The following TRPC5 variants were observed in gnomAD, a reference collection of about 807,000 sequenced individuals.
TRPC5 encodes transient receptor potential cation channel subfamily C member 5.
A neutral mutation model predicts 56.5 loss-of-function variants in TRPC5; 9 were observed. The observed-to-expected ratio is 0.16, with a 90% CI of 0.10 to 0.28. The LOEUF is 0.28. TRPC5 is among the 10% of genes least tolerant of loss of function. The pLI, the probability that TRPC5 is intolerant of heterozygous loss-of-function variation, is 1.00. For missense variants in TRPC5, 469 were observed against 748.9 expected (o/e 0.63, Z 4.36); for synonymous variants, 282 against 278.5 (o/e 1.01, Z -0.13).
chrX:111,799,702 G>A (rs979523890), intron 7 of TRPC5, among the ~76,000 whole-genome samples: 5 of 111,355 alleles, frequency 4.5e-5, no homozygotes, highest in African/African-American at 1.6e-4. Context: ...TAGATATTGT[G>A]CATGAATTCA....
intron 1 of TRPC5, among the ~76,000 whole-genome samples, chrX:112,051,204 A>T (rs1930203671): frequency 8.9e-6 from 1 of 112,221 alleles, no homozygotes; most frequent in Admixed American, 9.4e-5. Context: ...TGCTTCTGCC[A>T]GGTAACTCCT....
Position 111,781,326 on chromosome X carries a change from C to T in TRPC5, c.2101-120G>A, listed in dbSNP as rs781249627. ...CTAGAGAATGCTACAGGAGCTCCTG[C>T]CTGACAAATCCCCAAAGCAAATGTA... is the stretch of plus-strand genomic sequence containing the variant. On this transcript the variant is annotated intron_variant, in intron 8 of 10. Transcript: ENST00000262839. The T allele has an allele frequency of 3.1e-5, 18 of 579,523 alleles. No homozygotes were observed. In the South Asian group the frequency reaches 5.4e-4, roughly 17 times the overall value. 47.8% of individuals were successfully genotyped at this position (579,523 alleles called of 1,213,427 possible).
intron 7 of TRPC5, among the ~76,000 whole-genome samples, chrX:111,815,850 C>T (rs2148567723): frequency 9.0e-6 from 1 of 111,371 alleles, no homozygotes; most frequent in African/African-American, 3.3e-5. Context: ...TGACAAGACA[C>T]AGGACGGTGG....
At chrX:111,788,543 A>C (rs1405167359) in intron 7 of TRPC5, among the ~76,000 whole-genome samples, 1 of 112,009 alleles carries the variant, frequency 8.9e-6, no homozygotes, top group Non-Finnish European at 1.9e-5. Context: ...TATTCAACAT[A>C]GTGTTGGAAG....
intron 1 of TRPC5, among the ~76,000 whole-genome samples, chrX:111,981,043 A>G (rs112495961): frequency 0.12 from 12,675 of 108,506 alleles, 629 homozygotes; most frequent in African/African-American, 0.16. Context: ...CCGTATATGT[A>G]TATATGAGAG....
At position 111,810,389 on chromosome X, in the gene TRPC5, G is replaced by T. The variant is rs996656240; in HGVS notation, c.1896+24532C>A. Among the ~76,000 whole-genome samples the T allele has an allele frequency of 4.5e-5, 5 of 110,983 alleles. No homozygotes were observed. In the Admixed American group the frequency reaches 4.8e-4, roughly 11 times the overall value. The stretch of plus-strand genomic sequence containing the variant: ...GAGAAACTGAATGACTCTAATCTTA[G>T]GTAACAAATTGTCTTCTGTCTCAGG... On this transcript the variant is annotated intron_variant, in intron 7 of 10. Transcript: ENST00000262839.
At chrX:112,081,688 A>T (rs1421268166) in intron 1 of TRPC5, among the ~76,000 whole-genome samples, 191 bp downstream of exon 1, 1 of 111,287 alleles carries the variant, frequency 9.0e-6, no homozygotes, top group Non-Finnish European at 1.9e-5. Context: ...TCCCCATTGC[A>T]TTTCCTCTTC....
At chrX:112,024,587 G>A (rs1229355795) in intron 1 of TRPC5, among the ~76,000 whole-genome samples, 1 of 111,193 alleles carries the variant, frequency 9.0e-6, no homozygotes, top group Non-Finnish European at 1.9e-5. Context: ...CAGCTTGCAG[G>A]TCTTGGGACT....
chrX:111,816,475 A>G (rs1056543468), intron 7 of TRPC5, among the ~76,000 whole-genome samples: 4 of 112,136 alleles, frequency 3.6e-5, no homozygotes, highest in African/African-American at 1.3e-4. Flanking sequence ...GGGTTCCTTC[A>G]TCTGTGATCT....
At position 111,776,080 on chromosome X, in the gene TRPC5, G is replaced by T; in HGVS notation, c.*233C>A. 1 of 301,558 alleles carries T rather than the reference G, an allele frequency of 3.3e-6. No individual in the cohort carries two copies. Among genetic ancestry groups the T allele is most frequent in the Non-Finnish European group, 5.8e-6 (1 of 173,026 alleles). 24.9% of individuals were successfully genotyped at this position (301,558 alleles called of 1,213,427 possible). On this transcript the variant is annotated 3_prime_UTR_variant, in exon 11 of 11. Coordinates refer to ENST00000262839, the MANE Select transcript of TRPC5 (RefSeq NM_012471.3). ...GATTAGGTGCAACACCCCTTCAGTCGGTTGTAAGATGGACTTAGTGTGTAT... is the reference window on the plus strand; with the variant it reads ...GATTAGGTGCAACACCCCTTCAGTCTGTTGTAAGATGGACTTAGTGTGTAT...
At chrX:112,047,592 A>G (rs1930081510) in intron 1 of TRPC5, among the ~76,000 whole-genome samples, 1 of 112,404 alleles carries the variant, frequency 8.9e-6, no homozygotes, top group Non-Finnish European at 1.9e-5. Flanking sequence ...ATGAAGTAAG[A>G]ACACATGTTC....
intron 3 of TRPC5, among the ~76,000 whole-genome samples, chrX:111,859,661 T>C (rs1043903364): frequency 8.9e-6 from 1 of 112,297 alleles, no homozygotes; most frequent in Admixed American, 9.4e-5. Flanking sequence ...CTTTACTTAC[T>C]ACAGATCAGA....
At chrX:112,020,041 G>A (rs1217888618) in intron 1 of TRPC5, among the ~76,000 whole-genome samples, 8 of 111,569 alleles carry the variant, frequency 7.2e-5, no homozygotes, top group Admixed American at 9.6e-5. Context: ...CCTCGCATTC[G>A]TATCTAACAT....
chrX:111,985,666 G>C (rs979157190), intron 1 of TRPC5, among the ~76,000 whole-genome samples: 1 of 111,966 alleles, frequency 8.9e-6, no homozygotes, highest in Non-Finnish European at 1.9e-5. Context: ...ATTCAGGTTA[G>C]ACTTTGGCTC....
intron 7 of TRPC5, among the ~76,000 whole-genome samples, chrX:111,784,121 A>G (rs1441699473): frequency 9.0e-6 from 1 of 111,569 alleles, no homozygotes; most frequent in African/African-American, 3.3e-5. Context: ...AGAGTTAAAC[A>G]CCTACTTTAT....
At chrX:111,955,695 C>CCAAT (rs762832947) in intron 1 of TRPC5, among the ~76,000 whole-genome samples, 1 of 111,817 alleles carries the variant, frequency 8.9e-6, no homozygotes, top group East Asian at 2.8e-4. Context: ...GGCTCAGAGG[C>CCAAT]CAATCCTTTC....
chrX:111,999,082 C>A (rs946006427), intron 1 of TRPC5, among the ~76,000 whole-genome samples: 3 of 111,218 alleles, frequency 2.7e-5, no homozygotes, highest in African/African-American at 9.8e-5. Flanking sequence ...TCCTAAAGCT[C>A]TCCCTCCCCT....
chrX:111,944,303 T>TGTGTGTGTGTGTGAAA (rs1173179815), intron 2 of TRPC5, among the ~76,000 whole-genome samples: 2 of 61,393 alleles, frequency 3.3e-5, no homozygotes, highest in African/African-American at 2.1e-4. Flanking sequence ...TGTGTGTGTG[T>TGTGTGTGTGTGTGAAA]GAGAGAGAGA....
chrX:111,861,282 TTTTA>T (rs1237363840), intron 3 of TRPC5, among the ~76,000 whole-genome samples: 1 of 112,226 alleles, frequency 8.9e-6, no homozygotes, highest in African/African-American at 3.2e-5. Context: ...TTTGTGGTGC[TTTTA>T]TTTTAGTGTT....
Sources: gnomAD v4.1 joint callset for allele counts (sites outside exome capture counted in the v4.1 genomes callset) on GRCh38, gnomAD v4.1.1 for gene constraint, MANE v1.5 for transcripts, NCBI Gene and HGNC (gene_info 2026-07-23, HGNC 2026-07-21) for gene names.